The following CNDP1 variants were observed in gnomAD, a reference collection of about 807,000 sequenced individuals.
CNDP1 encodes carnosine dipeptidase 1.
A neutral mutation model predicts 58.1 loss-of-function variants in CNDP1; 44 were observed. That is an observed-to-expected ratio of 0.76 (90% CI 0.60 to 0.97). The LOEUF is 0.97. Ranked by LOEUF, CNDP1 falls within the 50% of genes least tolerant of loss-of-function variation. The pLI is 0.00. For missense variants in CNDP1, 616 were observed against 655.1 expected, an observed-to-expected ratio of 0.94 and a Z score of 0.65; for synonymous variants, 254 against 252.6, an observed-to-expected ratio of 1.01 and a Z score of -0.05.
intron 1 of CNDP1, among the ~76,000 whole-genome samples, chr18:74,538,803 T>C (rs1980545666): frequency 6.6e-6 from 1 of 152,212 alleles, no homozygotes; most frequent in African/African-American, 2.4e-5. Flanking sequence ...CATTTTTTCA[T>C]TCACTTCTTG....
chr18:74,556,624 A>G (rs1208746644), intron 2 of CNDP1, among the ~76,000 whole-genome samples, 158 bp downstream of exon 2: 1 of 152,226 alleles, frequency 6.6e-6, no homozygotes, highest in Admixed American at 6.5e-5. Context: ...TTCAGTATTC[A>G]TTAGACAGAT....
Position 74,580,115 on chromosome 18 carries a change from A to G in CNDP1, c.1168-15A>G. 1 of 1,607,132 alleles carries G rather than the reference A, an allele frequency of 6.2e-7. No individual in the cohort carries two copies. The highest frequency in any genetic ancestry group is 1.3e-5 in the African/African-American group (1 of 74,922). On this transcript the variant is annotated splice_polypyrimidine_tract_variant and intron_variant, in intron 9 of 11. Transcript: ENST00000358821. ...CTTGACACTTTCTCTTATCATTGAAAATGTCACCTTTTAGGTGACACGACA... is the reference window on the plus strand; with the variant it reads ...CTTGACACTTTCTCTTATCATTGAAGATGTCACCTTTTAGGTGACACGACA...
rs17089375 is a variant in CNDP1 at position 74,540,755 on chromosome 18, C to T, written c.24+6064C>T. The stretch of plus-strand genomic sequence containing the variant: ...ACTGGATTTTCAGGGTGATTGGCGA[C>T]GTTGTGGCCATGAGTGCTCGGCTCA... On this transcript the variant is annotated intron_variant, in intron 1 of 11. Coordinates refer to ENST00000358821, the MANE Select transcript of CNDP1 (RefSeq NM_032649.6). Among the ~76,000 whole-genome samples, 16 of 152,244 alleles carry T rather than the reference C, an allele frequency of 1.1e-4. No individual in the cohort carries two copies. In the South Asian group the frequency reaches 1.7e-3, roughly 16 times the overall value.
In CNDP1 at chr18:74,551,861, A is replaced by G. The variant is rs372669582; in HGVS notation, c.25-4477A>G. Among the ~76,000 whole-genome samples the G allele has an allele frequency of 2.0e-5, 3 of 152,096 alleles. No homozygotes were observed. The East Asian group carries it at 5.8e-4, about 29-fold the overall frequency. On this transcript the variant is annotated intron_variant, in intron 1 of 11. Coordinates refer to ENST00000358821, the MANE Select transcript of CNDP1 (RefSeq NM_032649.6). ...TTTTAATGGAACTTGTCTGAAGGAA[A>G]AATAAAAGCTCAAATGTTAATGTAG...
At chr18:74,583,769 T>G in intron 11 of CNDP1, 61 bp downstream of exon 11, 1 of 1,508,542 alleles carries the variant, frequency 6.6e-7, no homozygotes, top group Non-Finnish European at 9.2e-7. Context: ...CACCCGGGTC[T>G]ACACGTGGGT....
intron 1 of CNDP1, among the ~76,000 whole-genome samples, chr18:74,544,572 G>C (rs577501698): frequency 6.6e-6 from 1 of 152,062 alleles, no homozygotes; most frequent in East Asian, 1.9e-4. Flanking sequence ...CAAAAACTTA[G>C]CTGGGCATGC....
chr18:74,554,527 G>C (rs1248554251), intron 1 of CNDP1, among the ~76,000 whole-genome samples: 1 of 151,560 alleles, frequency 6.6e-6, no homozygotes, highest in Non-Finnish European at 1.5e-5. Flanking sequence ...GCAATGTGTT[G>C]GGGGGCTCGT....
At chr18:74,575,740 T>C (rs1444537495) in intron 7 of CNDP1, among the ~76,000 whole-genome samples, 1 of 151,936 alleles carries the variant, frequency 6.6e-6, no homozygotes, top group Non-Finnish European at 1.5e-5. Flanking sequence ...TGTGTGTGCG[T>C]GTGTGCGCGT....
chr18:74,579,323 T>G, intron 9 of CNDP1, among the ~76,000 whole-genome samples: 1 of 45,548 alleles, frequency 2.2e-5, no homozygotes, highest in Non-Finnish European at 4.4e-5. Context: ...TCCCTTCCCC[T>G]CCCCTCTCCA....
At chr18:74,560,010 C>CT (rs398033526) in intron 3 of CNDP1, among the ~76,000 whole-genome samples, 10,069 of 121,100 alleles carry the variant, frequency 0.083, 916 homozygotes, top group African/African-American at 0.2. Context: ...CATCTGCATT[C>CT]TTTTTTTTTT....
intron 1 of CNDP1, among the ~76,000 whole-genome samples, chr18:74,551,657 T>C (rs1302886497): frequency 6.6e-6 from 1 of 152,120 alleles, no homozygotes; most frequent in Non-Finnish European, 1.5e-5. Context: ...AGGTCAGTCT[T>C]TTATTCGAGA....
intron 6 of CNDP1, 78 bp from the exon 7 acceptor site, chr18:74,571,108 G>T: frequency 1.1e-6 from 1 of 921,872 alleles, no homozygotes; most frequent in Non-Finnish European, 1.8e-6. Context: ...ACGCAGATAT[G>T]TATTTCACCA....
At position 74,545,646 on chromosome 18, in the gene CNDP1, C is replaced by CCTCCGA; in HGVS notation, c.25-10690_25-10685dup. Among the ~76,000 whole-genome samples the CCTCCGA allele has an allele frequency of 6.6e-6, 1 of 152,234 alleles. No homozygotes were observed. The highest frequency in any genetic ancestry group is 2.1e-4 in the South Asian group (1 of 4,830). On this transcript the variant is annotated intron_variant, in intron 1 of 11. Transcript: ENST00000358821. This position sits in a 1 kb window ranked among gnomAD's most constrained non-coding sequence, Gnocchi z 4.1. ...CCACGTCTCTCTCAACTCCCCACTCCCTCCGACCCTCCTCCTCCTCTCTGC... is the reference window on the plus strand; with the variant it reads ...CCACGTCTCTCTCAACTCCCCACTCCCTCCGACTCCGACCCTCCTCCTCCTCTCTGC...
chr18:74,576,038 T>A (rs559452075), intron 7 of CNDP1: 1 of 142,498 alleles, frequency 7.0e-6, no homozygotes, highest in East Asian at 2.1e-4. Context: ...CCCTGCTAAT[T>A]TTTTGTATTT....
rs1981473775 is a variant in CNDP1, at chr18:74,571,279, T to G, written c.841+9T>G. On this transcript the variant is annotated intron_variant, in intron 7 of 11. Coordinates refer to ENST00000358821, the MANE Select transcript of CNDP1 (RefSeq NM_032649.6). ...TCTGGTTGCTCTTCTCGGTAATGCC[T>G]TATTTTGTTTCACTTTTTAAGCATC... The G allele has an allele frequency of 1.3e-6, 2 of 1,582,572 alleles. No homozygotes were observed. The highest frequency in any genetic ancestry group is 1.7e-6 in the Non-Finnish European group (2 of 1,151,720).
At chr18:74,567,508 T>C in intron 6 of CNDP1, 75 bp downstream of exon 6, 1 of 1,304,196 alleles carries the variant, frequency 7.7e-7, no homozygotes, top group Non-Finnish European at 1.1e-6. Flanking sequence ...TTCTGGGATC[T>C]TGGAGAGGAA....
intron 1 of CNDP1, among the ~76,000 whole-genome samples, chr18:74,551,906 T>C (rs1007926784): frequency 2.7e-5 from 4 of 148,340 alleles, no homozygotes; most frequent in Non-Finnish European, 5.9e-5. Context: ...TTGGATCGAT[T>C]GCGAAAAAAA....
At chr18:74,570,235 A>AAT (rs56060882) in intron 6 of CNDP1, among the ~76,000 whole-genome samples, 16 of 74,082 alleles carry the variant, frequency 2.2e-4, no homozygotes, top group African/African-American at 8.8e-4. Context: ...TAATAATAAT[A>AAT]AATAATTAAA....
chr18:74,550,073 G>A (rs2144646518), intron 1 of CNDP1, among the ~76,000 whole-genome samples: 2 of 152,320 alleles, frequency 1.3e-5, no homozygotes, highest in East Asian at 1.9e-4. Context: ...TACTAGGACA[G>A]GTCAAAAGGA....
Sources: gnomAD v4.1 joint callset for allele counts (sites outside exome capture counted in the v4.1 genomes callset) on GRCh38, gnomAD v4.1.1 for gene constraint, Gnocchi (gnomAD v3.1) non-coding constraint, MANE v1.5 for transcripts, NCBI Gene and HGNC (gene_info 2026-07-23, HGNC 2026-07-21) for gene names.